ABCC2: variants seen among roughly 807,000 people sequenced by gnomAD.
ABCC2 encodes ATP-binding cassette sub-family C member 2.
In ABCC2, 157 loss-of-function variants were observed where a neutral mutation model predicts 173.4. That is an observed-to-expected ratio of 0.91 (90% CI 0.80 to 1.03). The LOEUF (loss-of-function observed/expected upper bound fraction) is 1.03. ABCC2 is among the 50% of genes least tolerant of loss of function. ABCC2 has a pLI of 0.00. For missense variants in ABCC2, 1,822 were observed against 1,852.3 expected (o/e 0.98, Z 0.30); for synonymous variants, 657 against 693.5 (o/e 0.95, Z 0.83).
At chr10:99,839,312 C>T (rs1178723354) in intron 25 of ABCC2, among the ~76,000 whole-genome samples, 19 of 94,130 alleles carry the variant, frequency 2.0e-4, no homozygotes, top group Admixed American at 5.9e-4. Context: ...TAGGGGCGGC[C>T]GGGCAGAGGC....
At position 99,808,331 on chromosome 10, in the gene ABCC2, C is replaced by T. The variant is rs1379302243; in HGVS notation, c.1815+102C>T. On this transcript the variant is annotated intron_variant, in intron 13 of 31. Transcript: ENST00000647814. Reference sequence around the variant, plus strand: ...CCCATGTCTAACTTTTGCTGGTAAACTTTCAAGAGAGAGATCTGTTTGGTC... The same window carrying T: ...CCCATGTCTAACTTTTGCTGGTAAATTTTCAAGAGAGAGATCTGTTTGGTC... The T allele has an allele frequency of 2.7e-6, 4 of 1,481,598 alleles. No homozygotes were observed. In the Admixed American group the frequency reaches 5.0e-5, roughly 19 times the overall value. The allele number at this position is 1,481,598 out of a possible 1,614,324, so 91.8% of individuals were successfully genotyped here.
At chr10:99,816,835 G>A (rs1193928924) in intron 16 of ABCC2, among the ~76,000 whole-genome samples, 1 of 152,114 alleles carries the variant, frequency 6.6e-6, no homozygotes, top group Non-Finnish European at 1.5e-5. Flanking sequence ...TCTACTGCCT[G>A]ATGATCTGAG....
intron 23 of ABCC2, among the ~76,000 whole-genome samples, chr10:99,832,895 A>T (rs1481765855): frequency 6.6e-6 from 1 of 152,262 alleles, no homozygotes; most frequent in Non-Finnish European, 1.5e-5. Context: ...TGTGAAGATC[A>T]TAGATGTCTC....
chr10:99,844,958 A>T (rs1264233089), intron 28 of ABCC2, among the ~76,000 whole-genome samples: 1 of 152,226 alleles, frequency 6.6e-6, no homozygotes, highest in African/African-American at 2.4e-5. Flanking sequence ...TCTGGCTCTC[A>T]GCTGGTGGCA....
rs1564683215 is a variant in ABCC2 at position 99,814,148 on chromosome 10, TGTATGTATAC to T, written c.2094+1005_2094+1014del. On this transcript the variant is annotated intron_variant, in intron 16 of 31. Coordinates refer to ENST00000647814, the MANE Select transcript of ABCC2 (RefSeq NM_000392.5). ...ACATATGTGTGTATATATACACACA[TGTATGTATAC>T]ACACGTATATATACACACATGTATG... 2.0e-3 allele frequency among the ~76,000 whole-genome samples: 49 copies of T among 24,468 alleles called. 1 individual carries two copies. Among genetic ancestry groups the T allele is most frequent in the African/African-American group, 6.2e-3 (42 of 6,734 alleles). The allele number at this position is 24,468 out of a possible 152,430, so 16.1% of individuals were successfully genotyped here.
chr10:99,797,243 G>A lies in ABCC2; in HGVS notation c.779G>A (p.Arg260Gln), dbSNP rs141855755. The A allele has an allele frequency of 4.2e-5, 68 of 1,614,066 alleles. No individual in the cohort carries two copies. The highest frequency in any genetic ancestry group is 5.0e-5 in the Non-Finnish European group (59 of 1,179,984). Reference sequence around the variant, plus strand: ...AAAGCCAGGCGGGCACTCCAGAGACGGCAGGAGAAGAGCTCCCAGCAGAAC... The same window carrying A: ...AAAGCCAGGCGGGCACTCCAGAGACAGCAGGAGAAGAGCTCCCAGCAGAAC... ...LQKARRALQR[R>Q]QEKSSQQNSG... Residue 260 changes from arginine (R) to glutamine (Q), a missense_variant, in exon 7 of 32, where the codon CGG becomes CAG. Arg to Gln is a conservative substitution (Grantham distance 43). Coordinates refer to ENST00000647814, the MANE Select transcript of ABCC2 (RefSeq NM_000392.5).
At chr10:99,797,516 G>A in intron 7 of ABCC2, 185 bp downstream of exon 7, 1 of 618,158 alleles carries the variant, frequency 1.6e-6, no homozygotes, top group East Asian at 2.9e-5. Flanking sequence ...GTAATGTACT[G>A]TTCTCTTTCC....
chr10:99,811,609 T>C lies in ABCC2; in HGVS notation c.1967+7T>C, dbSNP rs2038215976. 1 of 1,614,108 alleles carries C rather than the reference T, an allele frequency of 6.2e-7. No homozygotes were observed. The highest frequency in any genetic ancestry group is 8.5e-7 in the Non-Finnish European group (1 of 1,179,968). ...CGGAAGCCACAGTCCGAGAGTGAGTTGCCTTCTTTCCATCCTAATGTTCTT... is the reference window on the plus strand; with the variant it reads ...CGGAAGCCACAGTCCGAGAGTGAGTCGCCTTCTTTCCATCCTAATGTTCTT... On this transcript the variant is annotated splice_region_variant and intron_variant, in intron 15 of 31. Coordinates refer to ENST00000647814, the MANE Select transcript of ABCC2 (RefSeq NM_000392.5).
At position 99,807,997 on chromosome 10, in the gene ABCC2, C is replaced by T. The variant is rs72838108; in HGVS notation, c.1669-86C>T. 6,144 of 1,529,398 alleles carry T rather than the reference C, an allele frequency of 4.0e-3. 23 individuals carry two copies. Among genetic ancestry groups the T allele is most frequent in the Non-Finnish European group, 5.0e-3 (5,517 of 1,109,590 alleles). 94.7% of individuals were successfully genotyped at this position (1,529,398 alleles called of 1,614,324 possible). ...TGGATGATCCTTAAGGCGCCTTCAA[C>T]TCTGATATATGGTGTTCCTGAAACT... On this transcript the variant is annotated intron_variant, in intron 12 of 31. Transcript: ENST00000647814.
In ABCC2 at chr10:99,851,543, G is replaced by T; in HGVS notation, c.4550G>T (p.Ser1517Ile). 6.2e-7 allele frequency: 1 copy of T among 1,614,136 alleles called. No homozygotes were observed. The highest frequency in any genetic ancestry group is 8.5e-7 in the Non-Finnish European group (1 of 1,179,994). Reference sequence around the variant, plus strand: ...AACGGGAAGATTATAGAGTGCGGCAGCCCTGAAGAACTGCTACAAATCCCT... The same window carrying T: ...AACGGGAAGATTATAGAGTGCGGCATCCCTGAAGAACTGCTACAAATCCCT... ...LDNGKIIECG[S>I]PEELLQIPGP... Residue 1517 changes from serine (S) to isoleucine (I), a missense_variant, in exon 32 of 32, where the codon AGC (serine) becomes ATC (isoleucine). By Grantham distance (142) the Ser-to-Ile change is moderately radical (BLOSUM62 -2). Coordinates refer to ENST00000647814, the MANE Select transcript of ABCC2 (RefSeq NM_000392.5).
chr10:99,813,236 G>C, intron 16 of ABCC2, 92 bp downstream of exon 16: 1 of 1,487,562 alleles, frequency 6.7e-7, no homozygotes, highest in South Asian at 1.2e-5. Context: ...CTGAGGGCTA[G>C]TAGGTGAGGT....
At chr10:99,841,248 G>A (rs931827876) in intron 25 of ABCC2, among the ~76,000 whole-genome samples, 4 of 152,092 alleles carry the variant, frequency 2.6e-5, no homozygotes, top group Non-Finnish European at 4.4e-5. Flanking sequence ...CATTTGGAGC[G>A]TTCATTTAAA....
chr10:99,828,703 T>C (rs1408677479), intron 19 of ABCC2, among the ~76,000 whole-genome samples: 1 of 152,184 alleles, frequency 6.6e-6, no homozygotes, highest in East Asian at 1.9e-4. Flanking sequence ...AGCTAGTGAT[T>C]AGACAGATAC....
At position 99,793,539 on chromosome 10, in the gene ABCC2, A is replaced by G. The variant is rs1156778064; in HGVS notation, c.334-12A>G. The G allele has an allele frequency of 6.2e-7, 1 of 1,613,902 alleles. No homozygotes were observed. Among genetic ancestry groups the G allele is most frequent in the Non-Finnish European group, 8.5e-7 (1 of 1,179,938 alleles). ...CAGTATTCTTCAGAACATCATGTGA[A>G]TTTCTCTCCAGCTCCTGGTTTTGCT... is the stretch of plus-strand genomic sequence containing the variant. On this transcript the variant is annotated splice_polypyrimidine_tract_variant and intron_variant, in intron 3 of 31. Transcript: ENST00000647814.
At chr10:99,813,646 G>GCTGCAGTGAGCCAAGATCATGCCA (rs2038255668) in intron 16 of ABCC2, among the ~76,000 whole-genome samples, 1 of 151,854 alleles carries the variant, frequency 6.6e-6, no homozygotes, top group East Asian at 1.9e-4. Flanking sequence ...GCCCAGGAGG[G>GCTGCAGTGAGCCAAGATCATGCCA]CTGCAGTGAG....
At chr10:99,794,578 C>T (rs1032995714) in intron 6 of ABCC2, 110 bp downstream of exon 6, 21 of 1,100,910 alleles carry the variant, frequency 1.9e-5, no homozygotes, top group Non-Finnish European at 2.6e-5. Context: ...GAGTTTTGCT[C>T]TTGTTGCCCA....
At chr10:99,825,988 C>T (rs981127351) in intron 19 of ABCC2, among the ~76,000 whole-genome samples, 3 of 152,190 alleles carry the variant, frequency 2.0e-5, no homozygotes, top group Non-Finnish European at 2.9e-5. Flanking sequence ...CCCCTTTGGT[C>T]GTTTCCCGAC....
In ABCC2 at chr10:99,846,965, C is replaced by T. The variant is rs753216780; in HGVS notation, c.4151C>T (p.Pro1384Leu). Residue 1384 changes from proline to leucine, a missense_variant, in exon 30 of 32, where the codon CCC becomes CTC. Coordinates refer to ENST00000647814, the MANE Select transcript of ABCC2 (RefSeq NM_000392.5). ...REKLTIIPQD[P>L]ILFSGSLRMN... ...CCCTTGTCCTTTCACTTGCAGGACC[C>T]CATCCTGTTCTCTGGAAGCCTGAGG... 1.9e-6 allele frequency: 3 copies of T among 1,614,134 alleles called. No individual in the cohort carries two copies. Among genetic ancestry groups the T allele is most frequent in the Non-Finnish European group, 2.5e-6 (3 of 1,180,020 alleles).
chr10:99,787,204 T>C (rs761381837), intron 2 of ABCC2, among the ~76,000 whole-genome samples: 3 of 152,014 alleles, frequency 2.0e-5, no homozygotes, highest in African/African-American at 4.8e-5. Flanking sequence ...TTAACACATA[T>C]GTGCAACCAT....
Sources: gnomAD v4.1 joint callset for allele counts (sites outside exome capture counted in the v4.1 genomes callset) on GRCh38, gnomAD v4.1.1 for gene constraint, MANE v1.5 for transcripts, NCBI Gene and HGNC (gene_info 2026-07-23, HGNC 2026-07-21) for gene names.